SPOCK3: variants seen among roughly 807,000 people sequenced by gnomAD.
SPOCK3 encodes testican-3.
A neutral mutation model predicts 56.6 loss-of-function variants in SPOCK3; 30 were observed. The observed-to-expected ratio is 0.53, with a 90% CI of 0.40 to 0.72. The LOEUF is 0.72. SPOCK3 is among the 30% of genes least tolerant of loss of function. The pLI is 0.00. For missense variants in SPOCK3, 527 were observed against 530.0 expected (o/e 0.99, Z 0.06); for synonymous variants, 196 against 183.3 (o/e 1.07, Z -0.56).
At chr4:167,217,654 A>G (rs1016864237) in intron 2 of SPOCK3, among the ~76,000 whole-genome samples, 3 of 152,108 alleles carry the variant, frequency 2.0e-5, no homozygotes, top group Non-Finnish European at 4.4e-5. Flanking sequence ...GCAAATTCGT[A>G]TAACATACAA....
At chr4:167,048,192 T>C (rs1753890667) in intron 3 of SPOCK3, among the ~76,000 whole-genome samples, 1 of 152,002 alleles carries the variant, frequency 6.6e-6, no homozygotes, top group Non-Finnish European at 1.5e-5. Context: ...TTAATTATAT[T>C]GTCAAAAAAG....
chr4:167,115,265 C>G (rs992591381), intron 2 of SPOCK3, among the ~76,000 whole-genome samples: 2 of 149,800 alleles, frequency 1.3e-5, no homozygotes, highest in Non-Finnish European at 3.0e-5. Flanking sequence ...AGCTGTGAAC[C>G]AAGGCTGTAT....
chr4:167,036,129 AT>A (rs1276954534), intron 3 of SPOCK3, among the ~76,000 whole-genome samples: 1 of 152,182 alleles, frequency 6.6e-6, no homozygotes, highest in Non-Finnish European at 1.5e-5. Context: ...CTCCCTACTC[AT>A]TTAGTTACCC....
intron 4 of SPOCK3, among the ~76,000 whole-genome samples, chr4:166,995,820 T>C (rs896956350): frequency 1.3e-5 from 2 of 152,238 alleles, no homozygotes; most frequent in Non-Finnish European, 2.9e-5. Context: ...TCATATTCCA[T>C]AGAAGTTAAA....
At chr4:166,921,397 C>T (rs1738467948) in intron 4 of SPOCK3, among the ~76,000 whole-genome samples, 1 of 150,182 alleles carries the variant, frequency 6.7e-6, no homozygotes, top group South Asian at 2.1e-4. Context: ...AATCTCAGCT[C>T]AACTTCTACC....
intron 4 of SPOCK3, among the ~76,000 whole-genome samples, chr4:166,945,854 C>T (rs957072503): frequency 2.0e-5 from 3 of 152,126 alleles, no homozygotes; most frequent in African/African-American, 4.8e-5. Flanking sequence ...ATTGATACTT[C>T]GTTCCGAGCC....
chr4:166,990,071 G>A (rs1747607064), intron 4 of SPOCK3, among the ~76,000 whole-genome samples: 1 of 152,150 alleles, frequency 6.6e-6, no homozygotes, highest in South Asian at 2.1e-4. Flanking sequence ...CATGATCTCA[G>A]AAAGATGTCA....
intron 3 of SPOCK3, among the ~76,000 whole-genome samples, chr4:167,046,992 A>T (rs2150212250): frequency 6.6e-6 from 1 of 152,280 alleles, no homozygotes; most frequent in Non-Finnish European, 1.5e-5. Context: ...CTGCAACGGT[A>T]CAGGACTTTG....
At chr4:166,831,764 T>G (rs567912636) in intron 6 of SPOCK3, among the ~76,000 whole-genome samples, 3 of 151,512 alleles carry the variant, frequency 2.0e-5, no homozygotes, top group African/African-American at 4.8e-5. Context: ...TTTTGTTTTT[T>G]TTTTTTTAAA....
chr4:167,174,417 G>T (rs1730784249), intron 2 of SPOCK3, among the ~76,000 whole-genome samples: 1 of 146,928 alleles, frequency 6.8e-6, no homozygotes, highest in African/African-American at 2.6e-5. Flanking sequence ...ATACACTACA[G>T]ATTATACTCT....
intron 6 of SPOCK3, among the ~76,000 whole-genome samples, chr4:166,874,773 A>G (rs2126958665): frequency 6.6e-6 from 1 of 152,348 alleles, no homozygotes; most frequent in Non-Finnish European, 1.5e-5. Context: ...ACGTATATGC[A>G]AAATGACAGA....
intron 6 of SPOCK3, among the ~76,000 whole-genome samples, chr4:166,843,284 C>T (rs530803640): frequency 2.0e-5 from 3 of 152,230 alleles, no homozygotes; most frequent in African/African-American, 4.8e-5. Flanking sequence ...CCAGAGCGGA[C>T]GCCGAGGCAG....
chr4:167,101,313 C>T (rs959939328), intron 2 of SPOCK3, among the ~76,000 whole-genome samples: 1 of 152,024 alleles, frequency 6.6e-6, no homozygotes, highest in Non-Finnish European at 1.5e-5. Context: ...CTAACTTTCT[C>T]CCTAATTATA....
intron 6 of SPOCK3, among the ~76,000 whole-genome samples, chr4:166,842,806 G>A (rs1035619954): frequency 4.9e-4 from 74 of 152,288 alleles, no homozygotes; most frequent in Admixed American, 4.1e-3. Context: ...AGCCGTGGGC[G>A]GAGCTGCCTG....
At chr4:166,975,976 A>C (rs1745899506) in intron 4 of SPOCK3, among the ~76,000 whole-genome samples, 1 of 152,136 alleles carries the variant, frequency 6.6e-6, no homozygotes, top group Admixed American at 6.6e-5. Context: ...TGCAATAAGC[A>C]TGGGAGTGCA....
intron 4 of SPOCK3, among the ~76,000 whole-genome samples, chr4:166,970,526 C>A (rs1263570581): frequency 6.6e-6 from 1 of 151,990 alleles, no homozygotes; most frequent in African/African-American, 2.4e-5. Flanking sequence ...TAGTTCAAGA[C>A]CAGCTTGGCC....
chr4:167,179,221 C>A (rs1443153832), intron 2 of SPOCK3, among the ~76,000 whole-genome samples: 2 of 152,078 alleles, frequency 1.3e-5, no homozygotes, highest in African/African-American at 2.4e-5. Flanking sequence ...CTGCATTTTC[C>A]TTAGTTTCTT....
chr4:166,767,671 T>A (rs1738288334), intron 7 of SPOCK3, among the ~76,000 whole-genome samples: 1 of 152,180 alleles, frequency 6.6e-6, no homozygotes, highest in South Asian at 2.1e-4. Context: ...TTCTGTTGAT[T>A]TGGGGTGAAG....
At chr4:166,830,588 A>G (rs1250906303) in intron 6 of SPOCK3, among the ~76,000 whole-genome samples, 1 of 152,122 alleles carries the variant, frequency 6.6e-6, no homozygotes, top group African/African-American at 2.4e-5. Context: ...TACCGAAAAT[A>G]CAAAAATTAG....
Sources: gnomAD v4.1 joint callset for allele counts (sites outside exome capture counted in the v4.1 genomes callset) on GRCh38, gnomAD v4.1.1 for gene constraint, MANE v1.5 for transcripts, NCBI Gene and HGNC (gene_info 2026-07-23, HGNC 2026-07-21) for gene names.